SCN11A: variants seen among roughly 807,000 people sequenced by gnomAD.
The protein encoded by SCN11A is sodium voltage-gated channel alpha subunit 11.
In SCN11A, 122 loss-of-function variants were observed where a neutral mutation model predicts 162.2. The ratio of observed to expected loss-of-function variants is 0.75; its 90% CI spans 0.65 to 0.87. The LOEUF (loss-of-function observed/expected upper bound fraction) is 0.87. SCN11A is among the 40% of genes least tolerant of loss of function. The pLI is 0.00. For synonymous variants in SCN11A, 758 were observed against 751.5 expected (o/e 1.01, Z -0.14); for missense variants, 2,015 against 2,181.6 (o/e 0.92, Z 1.52).
chr3:38,976,243 A>C (rs1442479055), intron 2 of SCN11A, among the ~76,000 whole-genome samples: 1 of 152,208 alleles, frequency 6.6e-6, no homozygotes, highest in Non-Finnish European at 1.5e-5. Flanking sequence ...ATTGAAAGTC[A>C]AAGAACAGTA....
At chr3:39,014,834 G>T (rs1484424985) in intron 2 of SCN11A, among the ~76,000 whole-genome samples, 2 of 152,186 alleles carry the variant, frequency 1.3e-5, no homozygotes, top group African/African-American at 4.8e-5. Flanking sequence ...TGATGGAAGG[G>T]CTTCTGTGTA....
intron 1 of SCN11A, among the ~76,000 whole-genome samples, chr3:39,039,047 T>C (rs999435268): frequency 6.6e-6 from 1 of 152,226 alleles, no homozygotes; most frequent in Admixed American, 6.5e-5. Flanking sequence ...TTTTGCTTGA[T>C]GATAAGTTTA....
intron 11 of SCN11A, among the ~76,000 whole-genome samples, chr3:38,919,380 C>T (rs1016631769): frequency 2.0e-5 from 3 of 152,192 alleles, no homozygotes; most frequent in Admixed American, 6.5e-5. Context: ...TTGAAATACA[C>T]TCAATAAATC....
chr3:38,925,579 A>G (rs1241533282), intron 8 of SCN11A, 70 bp from the exon 9 acceptor site: 4 of 1,082,984 alleles, frequency 3.7e-6, no homozygotes, highest in Non-Finnish European at 5.7e-6. Flanking sequence ...TCTCCACAAA[A>G]GCCACAAGTA....
intron 2 of SCN11A, among the ~76,000 whole-genome samples, chr3:38,991,189 T>C (rs1280079062): frequency 1.3e-5 from 2 of 152,196 alleles, no homozygotes; most frequent in Non-Finnish European, 1.5e-5. Context: ...CTAAATATTG[T>C]TTTATAAAAA....
rs750126337 is a variant in SCN11A at position 38,904,026 on chromosome 3, G to A, written c.1681C>T (p.Pro561Ser). 16 of 1,611,456 alleles carry A rather than the reference G, an allele frequency of 9.9e-6. No individual in the cohort carries two copies. In the South Asian group the frequency reaches 1.1e-4, roughly 11 times the overall value. Residue 561 changes from proline to serine, a missense_variant, in exon 16 of 30, where the codon CCC becomes TCC. Pro to Ser is a moderately conservative substitution (Grantham distance 74, BLOSUM62 -1). Coordinates refer to ENST00000302328, the MANE Select transcript of SCN11A (RefSeq NM_001349253.2). ...ACCTTCTTAACGCACAGCCACTGGG[G>A]GCAACAGTTCCACACGAGGTACTTG... ...ASKYLVWNCC[P>S]QWLCVKKVLR...
In SCN11A at chr3:38,863,049, C is replaced by T. The variant is rs2064988959; in HGVS notation, c.4056+146G>A. The T allele has an allele frequency of 1.2e-5, 7 of 580,860 alleles. No individual in the cohort carries two copies. The South Asian group carries it at 1.4e-4, about 12-fold the overall frequency. 36.0% of individuals were successfully genotyped at this position (580,860 alleles called of 1,614,324 possible). On this transcript the variant is annotated intron_variant, in intron 28 of 29. Coordinates refer to ENST00000302328, the MANE Select transcript of SCN11A (RefSeq NM_001349253.2). Reference sequence around the variant, plus strand: ...CTTTTGAGTTTGAGTATCTAATTTTCCTAAGTGTTTGAATATGTCTTGACT... The same window carrying T: ...CTTTTGAGTTTGAGTATCTAATTTTTCTAAGTGTTTGAATATGTCTTGACT...
At chr3:38,987,187 T>TTCCTG (rs931591271) in intron 2 of SCN11A, among the ~76,000 whole-genome samples, 4 of 151,920 alleles carry the variant, frequency 2.6e-5, no homozygotes, top group Admixed American at 6.6e-5. Flanking sequence ...TCTCTCCTCT[T>TTCCTG]TCCTGTCCTG....
chr3:38,928,018 A>T (rs529336487), intron 7 of SCN11A, among the ~76,000 whole-genome samples: 14 of 152,202 alleles, frequency 9.2e-5, no homozygotes, highest in Non-Finnish European at 7.3e-5. Flanking sequence ...CACAAGGGTG[A>T]CAAGACTATG....
intron 19 of SCN11A, among the ~76,000 whole-genome samples, chr3:38,888,808 TC>T (rs1264528629): frequency 2.0e-5 from 3 of 151,976 alleles, no homozygotes; most frequent in East Asian, 1.9e-4. Flanking sequence ...ATCTGACCTC[TC>T]CCCCCATCCC....
chr3:38,934,736 G>C (rs1286650592), intron 7 of SCN11A, among the ~76,000 whole-genome samples: 23 of 151,804 alleles, frequency 1.5e-4, no homozygotes, highest in Admixed American at 4.6e-4. Flanking sequence ...AGCAAGTCCT[G>C]AGTGACCTAC....
chr3:38,908,947 C>T, intron 13 of SCN11A, 50 bp downstream of exon 13: 3 of 1,536,556 alleles, frequency 2.0e-6, no homozygotes, highest in Non-Finnish European at 2.7e-6. Flanking sequence ...CCTCTGGGGA[C>T]CCCTTCCCCT....
At chr3:38,943,806 T>C (rs1378912090) in intron 7 of SCN11A, among the ~76,000 whole-genome samples, 1 of 152,032 alleles carries the variant, frequency 6.6e-6, no homozygotes, top group African/African-American at 2.4e-5. Flanking sequence ...TTACCAGAGA[T>C]GGGGAAAGAC....
chr3:38,904,654 C>T (rs1477891473), intron 15 of SCN11A, among the ~76,000 whole-genome samples: 1 of 152,154 alleles, frequency 6.6e-6, no homozygotes, highest in Non-Finnish European at 1.5e-5. Flanking sequence ...GCTAGAGGAC[C>T]TATTTGACCC....
At chr3:38,966,138 C>T (rs557323468) in intron 2 of SCN11A, among the ~76,000 whole-genome samples, 1 of 152,274 alleles carries the variant, frequency 6.6e-6, no homozygotes, top group Admixed American at 6.5e-5. Flanking sequence ...CTTTCCAGAA[C>T]GTTGCCATCA....
At chr3:38,870,895 T>C in intron 25 of SCN11A, 151 bp from the exon 26 acceptor site, 1 of 626,578 alleles carries the variant, frequency 1.6e-6, no homozygotes, top group Non-Finnish European at 2.8e-6. Flanking sequence ...AAAAGAACAG[T>C]AGAAGGGAAC....
rs144449635 is a variant in SCN11A at position 38,895,316 on chromosome 3, T to A, written c.2404-352A>T. The stretch of plus-strand genomic sequence containing the variant: ...GGAACAGCTGGATAGTGAGCTTTGA[T>A]TTTTGCTGGAATTTCCCACAAGGAT... On this transcript the variant is annotated intron_variant, in intron 18 of 29. Transcript: ENST00000302328. 7.0e-3 allele frequency among the ~76,000 whole-genome samples: 1,071 copies of A among 152,268 alleles called. 14 individuals are homozygous for A. The highest frequency in any genetic ancestry group is 0.024 in the African/African-American group (1,011 of 41,544).
At chr3:38,941,013 T>C (rs576605149) in intron 7 of SCN11A, among the ~76,000 whole-genome samples, 1 of 152,310 alleles carries the variant, frequency 6.6e-6, no homozygotes, top group African/African-American at 2.4e-5. Flanking sequence ...GAGTTTCCCC[T>C]TAAAAGAAGG....
intron 12 of SCN11A, among the ~76,000 whole-genome samples, chr3:38,909,606 G>A (rs1440438934): frequency 6.9e-5 from 10 of 144,666 alleles, no homozygotes; most frequent in Admixed American, 5.6e-4. Context: ...TTTTTGAGAC[G>A]GAGTTTCACT....
Sources: gnomAD v4.1 joint callset for allele counts (sites outside exome capture counted in the v4.1 genomes callset) on GRCh38, gnomAD v4.1.1 for gene constraint, MANE v1.5 for transcripts, NCBI Gene and HGNC (gene_info 2026-07-23, HGNC 2026-07-21) for gene names.